CDC25C: variants seen among roughly 807,000 people sequenced by gnomAD.
CDC25C encodes the protein cell division cycle 25C.
CDC25C carries 48 observed loss-of-function variants against 52.5 expected under a neutral mutation model. The ratio of observed to expected loss-of-function variants is 0.91; its 90% CI spans 0.72 to 1.16. The LOEUF is 1.16. Ranked by LOEUF, CDC25C falls within the 50% of genes most tolerant of loss-of-function variation. The pLI, the probability that CDC25C is intolerant of heterozygous loss-of-function variation, is 0.00. For missense variants in CDC25C, 510 were observed against 566.1 expected (o/e 0.90, Z 1.01); for synonymous variants, 187 against 206.5 (o/e 0.91, Z 0.81).
intron 7 of CDC25C, among the ~76,000 whole-genome samples, chr5:138,312,719 C>T (rs896038552): frequency 4.6e-5 from 7 of 152,084 alleles, no homozygotes; most frequent in Non-Finnish European, 7.4e-5. Flanking sequence ...GTTTTATGGG[C>T]ACAGAGTGCC....
rs575999645 is a variant in CDC25C at position 138,325,600 on chromosome 5, A to G, written c.459+215T>C. On this transcript the variant is annotated intron_variant, in intron 6 of 13. Transcript: ENST00000323760. ...GATCAACTGAACATGAGAAATAATG[A>G]TGACCTACTGTGGAAGATTTGGAGC... Among the ~76,000 whole-genome samples the G allele has an allele frequency of 3.9e-4, 60 of 152,314 alleles. No homozygotes were observed. The South Asian group carries it at 0.012, about 30-fold the overall frequency.
At chr5:138,317,706 A>AC (rs1759004417) in intron 7 of CDC25C, among the ~76,000 whole-genome samples, 2 of 150,080 alleles carry the variant, frequency 1.3e-5, no homozygotes, top group African/African-American at 2.4e-5. Context: ...AAAAAAAAAA[A>AC]ACCAAAAACC....
rs771433325 is a variant in CDC25C, at chr5:138,325,877, C to T, written c.397G>A (p.Gly133Ser). Residue 133 changes from glycine (G) to serine (S), a missense_variant, in exon 6 of 14, where the codon GGT (glycine) becomes AGT (serine). Gly to Ser is a moderately conservative substitution (Grantham distance 56). Coordinates refer to ENST00000323760, the MANE Select transcript of CDC25C (RefSeq NM_001790.5). ...CTCTTTCTATGGCCACGGTCCAAAC[C>T]ATTCGGAGTGCTACAAAGAAGCTGT... ...PAQLLCSTPN[G>S]LDRGHRKRDA... 8.1e-6 allele frequency: 13 copies of T among 1,614,010 alleles called. No homozygotes were observed. The highest frequency in any genetic ancestry group is 1.1e-5 in the Non-Finnish European group (13 of 1,180,004).
chr5:138,315,772 C>T (rs1397398950), intron 7 of CDC25C, among the ~76,000 whole-genome samples: 4 of 152,192 alleles, frequency 2.6e-5, no homozygotes, highest in Non-Finnish European at 4.4e-5. Context: ...AGGCTGGATA[C>T]GGTGGCTCAC....
rs2126631701 is a variant in CDC25C, at chr5:138,285,583, G to GATTATTAAA, written c.*108_*109insTTTAATAAT. On this transcript the variant is annotated 3_prime_UTR_variant, in exon 14 of 14. Coordinates refer to ENST00000323760, the MANE Select transcript of CDC25C (RefSeq NM_001790.5). ...CAAGTTGGTAGCCTGTTGGTTTGCA[G>GATTATTAAA]AGACATCTTTTAATAATCTTGGGTT... The GATTATTAAA allele has an allele frequency of 2.0e-6, 2 of 1,020,954 alleles. No homozygotes were observed. Among genetic ancestry groups the GATTATTAAA allele is most frequent in the East Asian group, 4.8e-5 (2 of 42,042 alleles). The allele number at this position is 1,020,954 out of a possible 1,614,324, so 63.2% of individuals were successfully genotyped here.
chr5:138,320,915 C>CAAAAAA (rs57923567), intron 6 of CDC25C, among the ~76,000 whole-genome samples: 38 of 42,254 alleles, frequency 9.0e-4, no homozygotes, highest in African/African-American at 4.1e-3. Context: ...GACTCTGTCT[C>CAAAAAA]AAAAAAAAAA....
intron 7 of CDC25C, among the ~76,000 whole-genome samples, chr5:138,315,214 C>A (rs950993405): frequency 2.6e-5 from 4 of 152,052 alleles, no homozygotes; most frequent in African/African-American, 9.7e-5. Context: ...TAAACCACCA[C>A]GCCCAGCCTC....
chr5:138,302,291 T>C (rs778419847), intron 7 of CDC25C, among the ~76,000 whole-genome samples: 2 of 150,748 alleles, frequency 1.3e-5, no homozygotes, highest in Non-Finnish European at 3.0e-5. Context: ...GCCACCGTGC[T>C]CGGCCGATGT....
At chr5:138,307,469 G>A (rs1246501410) in intron 7 of CDC25C, among the ~76,000 whole-genome samples, 1 of 124,860 alleles carries the variant, frequency 8.0e-6, no homozygotes, top group Non-Finnish European at 1.6e-5. Flanking sequence ...CTCCAGCCTG[G>A]AAGACAGACT....
At chr5:138,329,449 G>A (rs1009607135) in intron 3 of CDC25C, 104 bp downstream of exon 3, 1 of 770,444 alleles carries the variant, frequency 1.3e-6, no homozygotes, top group Non-Finnish European at 2.2e-6. Flanking sequence ...TCTCTAGGCA[G>A]ATTCTTTTTA....
chr5:138,329,723 C>A, intron 2 of CDC25C, 76 bp from the exon 3 acceptor site: 52 of 488,554 alleles, frequency 1.1e-4, no homozygotes, highest in Non-Finnish European at 1.4e-4. Flanking sequence ...ATGTCATCCT[C>A]TTCTTTTTTT....
Position 138,287,203 on chromosome 5 carries a change from C to T in CDC25C, c.992G>A (p.Arg331His), listed in dbSNP as rs866390878. 22 of 1,613,720 alleles carry T rather than the reference C, an allele frequency of 1.4e-5. No individual in the cohort carries two copies. Among genetic ancestry groups the T allele is most frequent in the African/African-American group, 9.4e-5 (7 of 74,842 alleles). ...LIEKFYVIDC[R>H]YPYEYLGGHI... is the part of the protein sequence containing the mutation. ...TCCTCCCAGATACTCATATGGATAG[C>T]GACAATCAATGACATAAAACTTCTC... is the stretch of plus-strand genomic sequence containing the variant. Residue 331 changes from arginine (R) to histidine (H), a missense_variant, in exon 11 of 14, where the codon CGC becomes CAC. By Grantham distance (29) the Arg-to-His change is conservative (BLOSUM62 0). Coordinates refer to ENST00000323760, the MANE Select transcript of CDC25C (RefSeq NM_001790.5).
chr5:138,322,401 C>G (rs62380884), intron 6 of CDC25C, among the ~76,000 whole-genome samples: 147,741 of 150,582 alleles, frequency 0.98, 72,551 homozygotes, highest in East Asian at 1. Flanking sequence ...CTGGGTTCAA[C>G]TGATTCTCCT....
intron 7 of CDC25C, among the ~76,000 whole-genome samples, chr5:138,316,390 A>G (rs753963536): frequency 2.0e-5 from 3 of 152,180 alleles, no homozygotes; most frequent in Non-Finnish European, 4.4e-5. Flanking sequence ...GGGGAAGCCA[A>G]GTAGGGACTG....
Position 138,331,747 on chromosome 5 carries a change from G to C in CDC25C, c.-191C>G. On this transcript the variant is annotated 5_prime_UTR_variant, in exon 1 of 14. Transcript: ENST00000323760. ...CTGCCTTCCGACTGGGTAGGCCAACGTCGGACTCAGAGTCTTCCCTGAGCA... is the reference window on the plus strand; with the variant it reads ...CTGCCTTCCGACTGGGTAGGCCAACCTCGGACTCAGAGTCTTCCCTGAGCA... The C allele has an allele frequency of 1.0e-6, 1 of 988,550 alleles. No individual in the cohort carries two copies. The highest frequency in any genetic ancestry group is 1.2e-6 in the Non-Finnish European group (1 of 831,794). 61.2% of individuals were successfully genotyped at this position (988,550 alleles called of 1,614,324 possible).
At chr5:138,330,781 T>G (rs1451685788) in intron 2 of CDC25C, among the ~76,000 whole-genome samples, 1 of 152,232 alleles carries the variant, frequency 6.6e-6, no homozygotes, top group Non-Finnish European at 1.5e-5. Context: ...AGTGCGGAGA[T>G]TACAGGCATG....
At chr5:138,319,113 AT>A (rs1254288476) in intron 7 of CDC25C, 105 bp downstream of exon 7, 2 of 988,174 alleles carry the variant, frequency 2.0e-6, no homozygotes, top group Non-Finnish European at 1.5e-6. Context: ...TTCACTAGTT[AT>A]TTTTTTGCTC....
chr5:138,304,501 CTT>C lies in CDC25C; in HGVS notation c.616-12387_616-12386del, dbSNP rs888224813. On this transcript the variant is annotated intron_variant, in intron 7 of 13. Coordinates refer to ENST00000323760, the MANE Select transcript of CDC25C (RefSeq NM_001790.5). ...CTCCTACTCTTACCTGCTTCCAACT[CTT>C]TTTTTTTTTTTCTCCTTTTTGAGGC... 1.2e-3 allele frequency among the ~76,000 whole-genome samples: 172 copies of C among 142,736 alleles called. 1 individual carries two copies. Among genetic ancestry groups the C allele is most frequent in the Non-Finnish European group, 7.3e-4 (47 of 64,742 alleles). 93.6% of individuals were successfully genotyped at this position (142,736 alleles called of 152,430 possible). A position where few individuals can be genotyped will look rare whatever the true frequency, so the allele number is the denominator to read the frequency against.
At chr5:138,329,835 A>G (rs1760210377) in intron 2 of CDC25C, among the ~76,000 whole-genome samples, 188 bp from the exon 3 acceptor site, 1 of 147,486 alleles carries the variant, frequency 6.8e-6, no homozygotes, top group Non-Finnish European at 1.5e-5. Context: ...GGTTCAAGCG[A>G]TTCTCCTGCC....
Sources: allele counts gnomAD v4.1 joint callset (sites outside exome capture counted in the v4.1 genomes callset), GRCh38; gene constraint gnomAD v4.1.1; transcripts MANE v1.5; gene names NCBI Gene and HGNC (gene_info 2026-07-23, HGNC 2026-07-21).